Variants in BAHCC1 observed in about 807,000 individuals in gnomAD.
BAHCC1 encodes BAH domain and coiled-coil containing 1.
In BAHCC1, 43 loss-of-function variants were observed where a neutral mutation model predicts 88.2. The observed-to-expected ratio is 0.49, with a 90% CI of 0.38 to 0.63. The LOEUF is 0.63. BAHCC1 is among the 20% of genes least tolerant of loss of function. The pLI is 0.00. For synonymous variants in BAHCC1, 1,510 were observed against 745.5 expected, an observed-to-expected ratio of 2.03 and a Z score of -16.71; for missense variants, 3,023 against 1,654.8, an observed-to-expected ratio of 1.83 and a Z score of -14.34.
chr17:81,419,946 G>A (rs1023442690), intron 2 of BAHCC1, among the ~76,000 whole-genome samples: 1 of 152,170 alleles, frequency 6.6e-6, no homozygotes, highest in Non-Finnish European at 1.5e-5. Flanking sequence ...TGTTCCGTCT[G>A]CCTTCAGTCT....
At chr17:81,453,198 C>G (rs12150031) in intron 14 of BAHCC1, among the ~76,000 whole-genome samples, 55,507 of 152,182 alleles carry the variant, frequency 0.36, 10,472 homozygotes, top group Non-Finnish European at 0.39. Flanking sequence ...GTGCAGGCCT[C>G]TTTATCTGCA....
chr17:81,443,723 G>C, intron 5 of BAHCC1, 86 bp from the exon 6 acceptor site: 17 of 678,604 alleles, frequency 2.5e-5, no homozygotes, highest in South Asian at 2.4e-4. Flanking sequence ...AGGCCCCCCA[G>C]CTCGAAGCGG....
chr17:81,442,214 G>A lies in BAHCC1; in HGVS notation c.865G>A (p.Val289Met). 1 of 649,316 alleles carries A rather than the reference G, an allele frequency of 1.5e-6. No homozygotes were observed. Among genetic ancestry groups the A allele is most frequent in the East Asian group, 2.8e-5 (1 of 35,482 alleles). 40.2% of individuals were successfully genotyped at this position (649,316 alleles called of 1,614,324 possible). A position where few individuals can be genotyped will look rare whatever the true frequency, so the allele number is the denominator to read the frequency against. ...HLTSCLLNTK[V>M]LNGEMGRAAL... The stretch of plus-strand genomic sequence containing the variant: ...CACCTCCTGCCTCCTCAACACCAAG[G>A]TGCTCAACGGCGAGATGGGCAGGGC... The change falls in exon 5 of 28, where the codon GTG becomes ATG. Residue 289 changes from valine to methionine, a missense_variant. Coordinates refer to ENST00000675386, the MANE Select transcript of BAHCC1 (RefSeq NM_001377448.1).
intron 4 of BAHCC1, among the ~76,000 whole-genome samples, chr17:81,439,710 G>T (rs565691089): frequency 1.3e-5 from 2 of 152,038 alleles, no homozygotes; most frequent in South Asian, 2.1e-4. Flanking sequence ...AGCTCAGGGT[G>T]GGGGCAGAGG....
chr17:81,425,835 G>A (rs2064185183), intron 2 of BAHCC1, among the ~76,000 whole-genome samples: 3 of 143,954 alleles, frequency 2.1e-5, no homozygotes, highest in Admixed American at 6.9e-5. Context: ...TGTGGTTGGT[G>A]ATTTGGTGAT....
At chr17:81,424,716 G>T (rs962779003) in intron 2 of BAHCC1, among the ~76,000 whole-genome samples, 2 of 151,588 alleles carry the variant, frequency 1.3e-5, no homozygotes, top group Non-Finnish European at 2.9e-5. Flanking sequence ...TGATAATGTG[G>T]TTGGTGTTGT....
chr17:81,422,006 C>A (rs1282843001), intron 2 of BAHCC1: 2 of 316,228 alleles, frequency 6.3e-6, no homozygotes, highest in Non-Finnish European at 1.2e-5. Context: ...ACTCCGCTTC[C>A]TCTCGTGATT....
chr17:81,460,598 G>A lies in BAHCC1; in HGVS notation c.6094G>A (p.Ala2032Thr). Reference sequence around the variant, plus strand: ...GAGGACCAAGAAGGTATCCAGTGAGGCACCCCCGCCTAGTGAAGCCGCCAC... The same window carrying A: ...GAGGACCAAGAAGGTATCCAGTGAGACACCCCCGCCTAGTGAAGCCGCCAC... ...CRRTKKVSSEAPPPSEAATPS... is the reference protein window; with the variant it reads ...CRRTKKVSSETPPPSEAATPS... The change falls in exon 25 of 28, where the codon GCA (alanine) becomes ACA (threonine). Residue 2032 changes from alanine (A) to threonine (T), a missense_variant. Coordinates refer to ENST00000675386, the MANE Select transcript of BAHCC1 (RefSeq NM_001377448.1). The A allele has an allele frequency of 1.3e-6, 1 of 769,614 alleles. No individual in the cohort carries two copies. The highest frequency in any genetic ancestry group is 2.4e-6 in the Non-Finnish European group (1 of 413,418). The allele number at this position is 769,614 out of a possible 1,614,324, so 47.7% of individuals were successfully genotyped here. A position where few individuals can be genotyped will look rare whatever the true frequency, so the allele number is the denominator to read the frequency against.
chr17:81,454,187 G>A (rs1555656614), intron 14 of BAHCC1, among the ~76,000 whole-genome samples: 1 of 152,336 alleles, frequency 6.6e-6, no homozygotes, highest in East Asian at 1.9e-4. Flanking sequence ...GTGAAATGGG[G>A]CAGTGGGAGG....
Position 81,433,811 on chromosome 17 carries a change from C to T in BAHCC1, c.359-4559C>T, listed in dbSNP as rs1208641632. Among the ~76,000 whole-genome samples the T allele has an allele frequency of 4.6e-5, 7 of 152,340 alleles. 1 individual carries two copies. The South Asian group carries it at 1.0e-3, about 23-fold the overall frequency. On this transcript the variant is annotated intron_variant, in intron 3 of 27. Transcript: ENST00000675386. Reference sequence around the variant, plus strand: ...ACTACAGCACTTTGTGTGCCGCATGCGGACAGGGTTTCAGAATCTGTGTCA... The same window carrying T: ...ACTACAGCACTTTGTGTGCCGCATGTGGACAGGGTTTCAGAATCTGTGTCA...
intron 8 of BAHCC1, 58 bp from the exon 9 acceptor site, chr17:81,444,954 AAGC>A (rs2064495595): frequency 2.9e-6 from 2 of 684,176 alleles, no homozygotes; most frequent in East Asian, 5.3e-5. Flanking sequence ...GGTGGCGGGG[AAGC>A]AGCCCCGGAG....
Position 81,445,054 on chromosome 17 carries a change from A to G in BAHCC1, c.2711A>G (p.Tyr904Cys), listed in dbSNP as rs1555653938. 1 of 764,058 alleles carries G rather than the reference A, an allele frequency of 1.3e-6. No individual in the cohort carries two copies. The allele number at this position is 764,058 out of a possible 1,614,324, so 47.3% of individuals were successfully genotyped here. The change falls in exon 9 of 28, where the codon TAC becomes TGC. Residue 904 changes from tyrosine (Y) to cysteine (C), a missense_variant. Coordinates refer to ENST00000675386, the MANE Select transcript of BAHCC1 (RefSeq NM_001377448.1). ...CAGGCGTCACTGTGGCCCCCCATGT[A>G]CGGGGGCCGGGGCCCCGCCTCTCAC... ...MDQASLWPPMYGGRGPASHMQ... is the reference protein window; with the variant it reads ...MDQASLWPPMCGGRGPASHMQ...
intron 2 of BAHCC1, among the ~76,000 whole-genome samples, chr17:81,412,251 C>T (rs1226438243): frequency 6.6e-6 from 1 of 152,258 alleles, no homozygotes; most frequent in African/African-American, 2.4e-5. Context: ...AAGCCAGTCC[C>T]CTCTCTGAGA....
Position 81,455,300 on chromosome 17 carries a change from G to A in BAHCC1, c.4479G>A (p.Ala1493=), listed in dbSNP as rs564947972. 2.6e-5 allele frequency: 19 copies of A among 717,206 alleles called. No individual in the cohort carries two copies. Among genetic ancestry groups the A allele is most frequent in the South Asian group, 5.9e-5 (4 of 67,636 alleles). The allele number at this position is 717,206 out of a possible 1,614,324, so 44.4% of individuals were successfully genotyped here. A position where few individuals can be genotyped will look rare whatever the true frequency, so the allele number is the denominator to read the frequency against. Residue 1493 remains alanine (A), a synonymous_variant, in exon 15 of 28, where the codon GCG becomes GCA. Transcript: ENST00000675386. ...AVRTSLGLLC[A]ELRGGSGGEP... ...GGACAAGCCTGGGTCTGCTGTGTGC[G>A]GAGCTGCGAGGAGGCAGTGGGGGCG...
chr17:81,417,556 C>CCG (rs1555648924), intron 2 of BAHCC1, among the ~76,000 whole-genome samples: 432 of 30,412 alleles, frequency 0.014, 18 homozygotes, highest in African/African-American at 0.045. Context: ...GCGTCGGCCA[C>CCG]CCCCCCCCCG....
intron 2 of BAHCC1, among the ~76,000 whole-genome samples, chr17:81,412,342 T>C (rs1221407752): frequency 2.0e-5 from 3 of 152,270 alleles, no homozygotes; most frequent in Admixed American, 6.5e-5. Context: ...TAAATTGTAA[T>C]GCATTTTTGG....
At chr17:81,439,190 G>A (rs1048171036) in intron 4 of BAHCC1, among the ~76,000 whole-genome samples, 1 of 152,214 alleles carries the variant, frequency 6.6e-6, no homozygotes, top group Non-Finnish European at 1.5e-5. Context: ...GGATGGGTGT[G>A]GGTCCTTATC....
chr17:81,463,094 C>G (rs2030443128), intron 27 of BAHCC1, 118 bp downstream of exon 27: 1 of 633,322 alleles, frequency 1.6e-6, no homozygotes, highest in Non-Finnish European at 2.9e-6. Flanking sequence ...AGCCCCCGCT[C>G]AGCAGGTACC....
chr17:81,429,882 G>A (rs1264642658), intron 3 of BAHCC1, among the ~76,000 whole-genome samples: 5 of 152,214 alleles, frequency 3.3e-5, no homozygotes, highest in Non-Finnish European at 7.4e-5. Flanking sequence ...CCATCTGCAG[G>A]GCAGCCCCTC....
Sources: gnomAD v4.1 joint callset for allele counts (sites outside exome capture counted in the v4.1 genomes callset) on GRCh38, gnomAD v4.1.1 for gene constraint, MANE v1.5 for transcripts, NCBI Gene and HGNC (gene_info 2026-07-23, HGNC 2026-07-21) for gene names.